RGPD2: variants seen among roughly 807,000 people sequenced by gnomAD.
The protein encoded by RGPD2 is RANBP2-like and GRIP domain-containing protein 2.
Under a neutral mutation model 36.0 loss-of-function variants are expected in RGPD2, and 2 were observed. The observed-to-expected ratio is 0.06, with a 90% CI of 0.02 to 0.17. The LOEUF (loss-of-function observed/expected upper bound fraction) is 0.17. Ranked by LOEUF, RGPD2 falls within the 10% of genes least tolerant of loss-of-function variation. The pLI is 1.00. For synonymous variants in RGPD2, 19 were observed against 163.8 expected, an observed-to-expected ratio of 0.12 and a Z score of 6.75; for missense variants, 40 against 464.3, an observed-to-expected ratio of 0.09 and a Z score of 8.40.
upstream of RGPD2, among the ~76,000 whole-genome samples, chr2:87,829,823 CT>C (rs1260862571): frequency 7.4e-6 from 1 of 135,914 alleles, no homozygotes; most frequent in African/African-American, 2.8e-5. Context: ...CATTCTGCCC[CT>C]CACCCCTTCC....
chr2:87,880,193 T>C, the RGPD2 span, among the ~76,000 whole-genome samples: 67 of 151,632 alleles, frequency 4.4e-4, no homozygotes, highest in African/African-American at 1.6e-3. Context: ...TTTGAGTTAA[T>C]TGTACATTTT....
At chr2:87,864,261 G>A in the RGPD2 span, among the ~76,000 whole-genome samples, 1 of 152,282 alleles carries the variant, frequency 6.6e-6, no homozygotes, top group African/African-American at 2.4e-5. Context: ...CAGAGAAAGG[G>A]TGAATTCACT....
chr2:87,957,180 G>A, the RGPD2 span, among the ~76,000 whole-genome samples: 4 of 149,600 alleles, frequency 2.7e-5, no homozygotes, highest in Non-Finnish European at 5.9e-5. Context: ...AACCCCCAAC[G>A]TGATGGCACT....
At chr2:87,771,410 T>TTG (rs1553425306) in intron 22 of RGPD2, 76 of 31,902 alleles carry the variant, frequency 2.4e-3, no homozygotes, top group African/African-American at 8.0e-3. Flanking sequence ...TTTTTTTTTT[T>TTG]TTTTTGAGAT....
the RGPD2 span, among the ~76,000 whole-genome samples, chr2:87,866,760 C>A: frequency 6.6e-6 from 1 of 151,786 alleles, no homozygotes; most frequent in South Asian, 2.1e-4. Context: ...TGGGAGAGAA[C>A]TGTGGCTGCT....
the RGPD2 span, chr2:87,986,044 G>C: frequency 1.6e-6 from 1 of 642,216 alleles, no homozygotes; most frequent in South Asian, 2.1e-5. Flanking sequence ...TGTCATTAAA[G>C]AGCCAATGAG....
the RGPD2 span, among the ~76,000 whole-genome samples, chr2:87,878,189 C>A: frequency 1.3e-5 from 2 of 152,380 alleles, no homozygotes; most frequent in East Asian, 3.8e-4. Flanking sequence ...GGTCTCTTTA[C>A]ATAACCCCAT....
At chr2:87,921,230 A>C in the RGPD2 span, among the ~76,000 whole-genome samples, 1 of 152,250 alleles carries the variant, frequency 6.6e-6, no homozygotes, top group Non-Finnish European at 1.5e-5. Flanking sequence ...AAACCTGCAA[A>C]GGATTACAGA....
At chr2:87,829,623 T>G (rs1686921785), upstream of RGPD2, among the ~76,000 whole-genome samples, 1 of 151,766 alleles carries the variant, frequency 6.6e-6, no homozygotes, top group Non-Finnish European at 1.5e-5. Context: ...AGAGAGTATG[T>G]GCAGAGGAAC....
chr2:87,824,751 C>G lies in RGPD2; in HGVS notation c.72+907G>C, dbSNP rs1440949194. Among the ~76,000 whole-genome samples the G allele has an allele frequency of 3.9e-3, 337 of 86,416 alleles. 2 individuals carry two copies. The highest frequency in any genetic ancestry group is 6.7e-3 in the Non-Finnish European group (273 of 40,474). 56.7% of individuals were successfully genotyped at this position (86,416 alleles called of 152,430 possible). ...CGCCCGGCCAGGCCGAGGCCGCCGC[C>G]GCCGCCGCCGCCGCCGCCCGGCCAG... On this transcript the variant is annotated intron_variant, in intron 1 of 22. Transcript: ENST00000398146.
At chr2:87,957,236 T>TGGGCG in the RGPD2 span, among the ~76,000 whole-genome samples, 33 of 116,238 alleles carry the variant, frequency 2.8e-4, no homozygotes, top group Middle Eastern at 4.1e-3. Context: ...ACAAGGTCAC[T>TGGGCG]GGGGGGGGGC....
chr2:87,960,124 T>A, the RGPD2 span, among the ~76,000 whole-genome samples: 1 of 149,576 alleles, frequency 6.7e-6, no homozygotes, highest in Admixed American at 6.7e-5. Flanking sequence ...GTCGTGTTTG[T>A]CTCCCTCACA....
At chr2:87,906,812 A>T in the RGPD2 span, among the ~76,000 whole-genome samples, 1 of 148,154 alleles carries the variant, frequency 6.7e-6, no homozygotes, top group Non-Finnish European at 1.5e-5. Flanking sequence ...CCAGCTATTC[A>T]GGAGGCTTAG....
At chr2:87,971,841 G>C in the RGPD2 span, among the ~76,000 whole-genome samples, 106 of 152,258 alleles carry the variant, frequency 7.0e-4, no homozygotes, top group Non-Finnish European at 8.8e-5. Context: ...GAGAAAGCTT[G>C]CTCTTTGCCA....
At chr2:87,885,021 A>G in the RGPD2 span, among the ~76,000 whole-genome samples, 7 of 152,162 alleles carry the variant, frequency 4.6e-5, no homozygotes, top group Non-Finnish European at 2.9e-5. Flanking sequence ...ACTGATAAAC[A>G]TAGATGCAAA....
At chr2:87,846,562 T>C in the RGPD2 span, among the ~76,000 whole-genome samples, 1 of 152,142 alleles carries the variant, frequency 6.6e-6, no homozygotes, top group African/African-American at 2.4e-5. Context: ...AACAATTTTT[T>C]GAATTAAATA....
the RGPD2 span, among the ~76,000 whole-genome samples, chr2:87,864,225 T>C: frequency 1.3e-5 from 2 of 152,240 alleles, no homozygotes; most frequent in Non-Finnish European, 2.9e-5. Context: ...ATCTAATCTG[T>C]TGAGGGCCTG....
the RGPD2 span, among the ~76,000 whole-genome samples, chr2:87,882,138 C>T: frequency 3.9e-5 from 6 of 152,222 alleles, no homozygotes; most frequent in Non-Finnish European, 2.9e-5. Flanking sequence ...CTGAGGATTA[C>T]ATCACAACAT....
chr2:87,897,205 T>G, the RGPD2 span, among the ~76,000 whole-genome samples: 2 of 147,950 alleles, frequency 1.4e-5, no homozygotes, highest in South Asian at 2.2e-4. Context: ...AAACGATATC[T>G]AAGAGAATAT....
Sources: gnomAD v4.1 joint callset for allele counts (sites outside exome capture counted in the v4.1 genomes callset) on GRCh38, gnomAD v4.1.1 for gene constraint, MANE v1.5 for transcripts, NCBI Gene and HGNC (gene_info 2026-07-23, HGNC 2026-07-21) for gene names.